SNTG1: variants seen among roughly 807,000 people sequenced by gnomAD.
The protein encoded by SNTG1 is gamma-1-syntrophin.
A neutral mutation model predicts 74.7 loss-of-function variants in SNTG1; 39 were observed. That is an observed-to-expected ratio of 0.52 (90% confidence interval 0.40 to 0.68). The LOEUF is 0.68. Ranked by LOEUF, SNTG1 falls within the 30% of genes least tolerant of loss-of-function variation. The pLI is 0.00. For missense variants in SNTG1, 685 were observed against 609.5 expected (o/e 1.12, Z -1.30); for synonymous variants, 254 against 217.1 (o/e 1.17, Z -1.49).
intron 2 of SNTG1, among the ~76,000 whole-genome samples, chr8:50,266,868 G>A (rs1311157779): frequency 6.6e-6 from 1 of 151,890 alleles, no homozygotes; most frequent in African/African-American, 2.4e-5. Flanking sequence ...ATCAGTGACT[G>A]GAAAAATCCC....
chr8:49,982,397 C>G (rs865825891), intron 1 of SNTG1, among the ~76,000 whole-genome samples: 1 of 151,944 alleles, frequency 6.6e-6, no homozygotes, highest in African/African-American at 2.4e-5. Context: ...CAGTTCTAAA[C>G]TCTGGAAATA....
intron 6 of SNTG1, among the ~76,000 whole-genome samples, chr8:50,450,287 G>T (rs1045049796): frequency 1.3e-5 from 2 of 152,126 alleles, no homozygotes; most frequent in Non-Finnish European, 2.9e-5. Context: ...AGAAAATGTG[G>T]TCTTTTACCC....
chr8:50,252,961 T>C (rs2086706744), intron 2 of SNTG1, among the ~76,000 whole-genome samples: 1 of 151,966 alleles, frequency 6.6e-6, no homozygotes, highest in Non-Finnish European at 1.5e-5. Context: ...GAAATGAAAA[T>C]GAAAACCACA....
At chr8:50,001,701 C>T (rs1224345998) in intron 1 of SNTG1, among the ~76,000 whole-genome samples, 3 of 152,138 alleles carry the variant, frequency 2.0e-5, no homozygotes, top group African/African-American at 7.2e-5. Flanking sequence ...TGGTGAAGTG[C>T]ACCAATAACT....
At chr8:50,559,470 A>G (rs1384469633) in intron 12 of SNTG1, among the ~76,000 whole-genome samples, 1 of 152,172 alleles carries the variant, frequency 6.6e-6, no homozygotes, top group Admixed American at 6.5e-5. Context: ...AAGAAAGCAA[A>G]CTAGAGCAGG....
rs565129060 is a variant in SNTG1 at position 50,203,628 on chromosome 8, T to C, written c.-28+30993T>C. ...CCAAGCGAAAAAAATGTGAAACATA[T>C]ACCTTTTATTTGGGCATTTGTAATG... On this transcript the variant is annotated intron_variant, in intron 2 of 18. Coordinates refer to ENST00000642720, the MANE Select transcript of SNTG1 (RefSeq NM_018967.5). 3.9e-5 allele frequency among the ~76,000 whole-genome samples: 6 copies of C among 152,254 alleles called. No homozygotes were observed. The East Asian group carries it at 1.2e-3, about 29-fold the overall frequency.
intron 1 of SNTG1, among the ~76,000 whole-genome samples, chr8:50,133,581 C>T (rs907107166): frequency 1.3e-5 from 2 of 152,064 alleles, no homozygotes; most frequent in Non-Finnish European, 2.9e-5. Flanking sequence ...ATAGCCATGC[C>T]CCCTCTGACA....
intron 2 of SNTG1, among the ~76,000 whole-genome samples, chr8:50,385,127 T>A (rs1031110883): frequency 1.3e-5 from 2 of 152,178 alleles, no homozygotes; most frequent in Admixed American, 6.5e-5. Context: ...CCACTGCCAC[T>A]TCACATGACA....
chr8:50,074,717 T>C (rs1307428770), intron 1 of SNTG1, among the ~76,000 whole-genome samples: 3 of 152,312 alleles, frequency 2.0e-5, no homozygotes, highest in Non-Finnish European at 2.9e-5. Flanking sequence ...CAGCCCTTGC[T>C]CACTCTCAGT....
chr8:50,530,882 C>T (rs1246775261), intron 10 of SNTG1, among the ~76,000 whole-genome samples: 1 of 152,066 alleles, frequency 6.6e-6, no homozygotes, highest in Admixed American at 6.6e-5. Flanking sequence ...GCATTTCATC[C>T]TTCAAAACAC....
intron 2 of SNTG1, among the ~76,000 whole-genome samples, chr8:50,355,616 C>A (rs984132639): frequency 6.6e-6 from 1 of 152,024 alleles, no homozygotes; most frequent in African/African-American, 2.4e-5. Flanking sequence ...ATGTTTTGCT[C>A]CAGAACTTTG....
At chr8:50,475,467 C>T (rs1368634408) in intron 8 of SNTG1, among the ~76,000 whole-genome samples, 1 of 152,104 alleles carries the variant, frequency 6.6e-6, no homozygotes, top group Middle Eastern at 3.2e-3. Flanking sequence ...TGTGCATTTG[C>T]CTACCTGACT....
At chr8:49,930,673 A>G (rs1351895594) in intron 1 of SNTG1, among the ~76,000 whole-genome samples, 1 of 152,108 alleles carries the variant, frequency 6.6e-6, no homozygotes, top group East Asian at 1.9e-4. Context: ...CTTCCTTTCC[A>G]TATTGCATTG....
chr8:50,016,320 A>AT (rs1281931466), intron 1 of SNTG1, among the ~76,000 whole-genome samples: 3 of 152,056 alleles, frequency 2.0e-5, no homozygotes, highest in Admixed American at 1.3e-4. Context: ...TCAAAATGAT[A>AT]TTTTTTAAAA....
intron 1 of SNTG1, among the ~76,000 whole-genome samples, chr8:50,085,287 TAGC>T (rs1300281888): frequency 6.6e-6 from 1 of 151,486 alleles, no homozygotes; most frequent in Non-Finnish European, 1.5e-5. Context: ...GACAACTCCA[TAGC>T]AGCATCTACA....
At chr8:49,985,302 G>A (rs1384977759) in intron 1 of SNTG1, among the ~76,000 whole-genome samples, 1 of 152,046 alleles carries the variant, frequency 6.6e-6, no homozygotes, top group African/African-American at 2.4e-5. Context: ...GCCATGCCTG[G>A]CTATTTTTAA....
At chr8:50,256,815 T>C (rs2086904875) in intron 2 of SNTG1, among the ~76,000 whole-genome samples, 1 of 151,890 alleles carries the variant, frequency 6.6e-6, no homozygotes, top group African/African-American at 2.4e-5. Context: ...TGTGTGTGTG[T>C]AGTTTCTAAA....
chr8:50,543,546 T>C (rs990983489), intron 11 of SNTG1, among the ~76,000 whole-genome samples: 3 of 152,158 alleles, frequency 2.0e-5, no homozygotes, highest in Non-Finnish European at 4.4e-5. Context: ...TTTTCATTTC[T>C]GAGTGATATC....
intron 1 of SNTG1, among the ~76,000 whole-genome samples, chr8:49,945,060 A>G (rs1022466186): frequency 6.6e-6 from 1 of 152,060 alleles, no homozygotes; most frequent in Non-Finnish European, 1.5e-5. Flanking sequence ...TGTATTTGGT[A>G]TTGTTTTCCA....
Sources: gnomAD v4.1 joint callset for allele counts (sites outside exome capture counted in the v4.1 genomes callset) on GRCh38, gnomAD v4.1.1 for gene constraint, MANE v1.5 for transcripts, NCBI Gene and HGNC (gene_info 2026-07-23, HGNC 2026-07-21) for gene names.